CDKN1C: variants seen among roughly 807,000 people sequenced by gnomAD.
The protein encoded by CDKN1C is cyclin-dependent kinase inhibitor 1C.
CDKN1C carries 7 observed loss-of-function variants against 16.5 expected under a neutral mutation model. The ratio of observed to expected loss-of-function variants is 0.42; its 90% CI spans 0.24 to 0.80. The LOEUF (loss-of-function observed/expected upper bound fraction) is 0.80, where lower values mean the gene tolerates loss of function less well. Ranked by LOEUF, CDKN1C falls within the 30% of genes least tolerant of loss-of-function variation. The pLI is 0.26. For missense variants in CDKN1C, 429 were observed against 437.3 expected, an observed-to-expected ratio of 0.98 and a Z score of 0.17; for synonymous variants, 288 against 214.4, an observed-to-expected ratio of 1.34 and a Z score of -3.00.
At position 2,885,357 on chromosome 11, in the gene CDKN1C, C is replaced by G; in HGVS notation, c.100G>C (p.Glu34Gln). The G allele has an allele frequency of 6.3e-7, 1 of 1,589,388 alleles. No individual in the cohort carries two copies. Among genetic ancestry groups the G allele is most frequent in the Non-Finnish European group, 8.5e-7 (1 of 1,170,496 alleles). The change falls in exon 2 of 4, where the codon GAG becomes CAG. Residue 34 changes from glutamate to glutamine, a missense_variant. Physicochemically the swap from Glu to Gln is conservative, Grantham distance 29. Transcript: ENST00000440480. ...GPVDHEELSR[E>Q]LQARLAELNA... ...AGCTCGGCCAGGCGGGCCTGCAGCT[C>G]GCGGCTCAGCTCCTCGTGGTCCACC...
rs528330778 is a variant in CDKN1C, at chr11:2,885,691, A to T, written c.-68T>A. The stretch of plus-strand genomic sequence containing the variant: ...GGTTCGCCTGTCTCGTCCGGACGGC[A>T]GCCGCGCCCCCTCGATGCCTGCTGG... On this transcript the variant is annotated 5_prime_UTR_variant, in exon 1 of 4. Transcript: ENST00000440480. The T allele has an allele frequency of 6.9e-4, 445 of 641,426 alleles. 1 individual carries two copies. In the African/African-American group the frequency reaches 7.3e-3, roughly 11 times the overall value. 39.7% of individuals were successfully genotyped at this position (641,426 alleles called of 1,614,324 possible).
rs1348348225 is a variant in CDKN1C, at chr11:2,883,919, CGAG to C, written c.*6-7_*6-5del. Reference sequence around the variant, plus strand: ...TCGGGGCTCTTTGGGCTCTAAACTGCGAGGAGAGGGGCGGTCAGCAAAGCCGGC... The same window carrying C: ...TCGGGGCTCTTTGGGCTCTAAACTGCGAGAGGGGCGGTCAGCAAAGCCGGC... On this transcript the variant is annotated splice_polypyrimidine_tract_variant and splice_region_variant and intron_variant, in intron 3 of 3. Coordinates refer to ENST00000440480, the MANE Select transcript of CDKN1C (RefSeq NM_001122630.2). The C allele has an allele frequency of 4.4e-6, 7 of 1,589,636 alleles. No homozygotes were observed. The highest frequency in any genetic ancestry group is 6.0e-6 in the Non-Finnish European group (7 of 1,168,890).
intron 2 of CDKN1C, 97 bp from the exon 3 acceptor site, chr11:2,884,231 G>C (rs1286377705): frequency 1.1e-6 from 1 of 941,096 alleles, no homozygotes; most frequent in Non-Finnish European, 1.3e-6. Context: ...CGGCCGGGGT[G>C]GGGGCGCCGT....
rs1176733097 is a variant in CDKN1C, at chr11:2,883,637, T to G, written c.*284A>C. 1.6e-6 allele frequency: 1 copy of G among 641,686 alleles called. No homozygotes were observed. The highest frequency in any genetic ancestry group is 2.3e-6 in the Non-Finnish European group (1 of 441,620). The allele number at this position is 641,686 out of a possible 1,614,324, so 39.7% of individuals were successfully genotyped here. On this transcript the variant is annotated 3_prime_UTR_variant, in exon 4 of 4. Coordinates refer to ENST00000440480, the MANE Select transcript of CDKN1C (RefSeq NM_001122630.2). ...TTCCTTTTTTTTTTCTTTTTTCTTT[T>G]TTTTGCACTGAGTTTCAGCAGAGAT...
In CDKN1C at chr11:2,885,353, A is replaced by AAG. The variant is rs1848976570; in HGVS notation, c.103_104insCT (p.Leu35ProfsTer9). On this transcript the variant is annotated frameshift_variant, in exon 2 of 4. Transcript: ENST00000440480. LOFTEE classifies it high-confidence loss of function. ...GTTCAGCTCGGCCAGGCGGGCCTGC[A>AAG]GCTCGCGGCTCAGCTCCTCGTGGTC... 6.3e-7 allele frequency: 1 copy of AAG among 1,591,924 alleles called. No homozygotes were observed. The highest frequency in any genetic ancestry group is 1.3e-5 in the African/African-American group (1 of 74,480).
intron 2 of CDKN1C, 119 bp downstream of exon 2, chr11:2,884,551 G>A (rs1848907682): frequency 6.1e-6 from 3 of 491,300 alleles, no homozygotes; most frequent in Non-Finnish European, 9.4e-6. Flanking sequence ...GAGCGCTGCG[G>A]GCCCTTTAAT....
chr11:2,885,535 C>A (rs1848987371), intron 1 of CDKN1C, 69 bp from the exon 2 acceptor site: 18 of 1,535,418 alleles, frequency 1.2e-5, no homozygotes, highest in Non-Finnish European at 1.6e-5. Context: ...GAGAGGACAG[C>A]GAGAAGAAGG....
At chr11:2,883,964 G>A in intron 3 of CDKN1C, 35 bp downstream of exon 3, 2 of 1,549,334 alleles carry the variant, frequency 1.3e-6, no homozygotes, top group Non-Finnish European at 1.7e-6. Flanking sequence ...CCGGCGGGTC[G>A]GCCCTCCGCG....
Position 2,884,970 on chromosome 11 carries a change from CGACCGGAGCCGCGACCGG to C in CDKN1C, c.469_486del (p.Pro157_Val162del). The C allele has an allele frequency of 1.7e-6, 1 of 598,960 alleles. No individual in the cohort carries two copies. Among genetic ancestry groups the C allele is most frequent in the Non-Finnish European group, 2.2e-6 (1 of 449,628 alleles). 37.1% of individuals were successfully genotyped at this position (598,960 alleles called of 1,614,324 possible). On this transcript the variant is annotated inframe_deletion, in exon 2 of 4. Coordinates refer to ENST00000440480, the MANE Select transcript of CDKN1C (RefSeq NM_001122630.2). ...GGGGCCGGGGCCAGGACCGCGACCG[CGACCGGAGCCGCGACCGG>C]AGCCGCGACCGGAGCCGGAGCCGGG...
chr11:2,883,980 C>CG lies in CDKN1C; in HGVS notation c.*5+18_*5+19insC, dbSNP rs755586297. The CG allele has an allele frequency of 2.6e-5, 40 of 1,562,310 alleles. No homozygotes were observed. The Middle Eastern group carries it at 5.0e-4, about 20-fold the overall frequency. Reference sequence around the variant, plus strand: ...CGGCGGGTCGGCCCTCCGCGCCCCCCCAGGTGCGCTGTACTCACTTGGCTC... The same window carrying CG: ...CGGCGGGTCGGCCCTCCGCGCCCCCCGCAGGTGCGCTGTACTCACTTGGCTC... On this transcript the variant is annotated intron_variant, in intron 3 of 3. Transcript: ENST00000440480.
At position 2,884,126 on chromosome 11, in the gene CDKN1C, C is replaced by T. The variant is rs759474789; in HGVS notation, c.796G>A (p.Ala266Thr). The change falls in exon 3 of 4, where the codon GCC becomes ACC. Residue 266 changes from alanine to threonine, a missense_variant. Transcript: ENST00000440480. The stretch of plus-strand genomic sequence containing the variant: ...TCAGGCGCTGATCTCTTGCGCTTGG[C>T]GAAGAAATCTGCGGGCGACAGCGCG... ...LSGPLISDFF[A>T]KRKRSAPEKS... The T allele has an allele frequency of 4.7e-6, 7 of 1,491,544 alleles. No individual in the cohort carries two copies. In the South Asian group the frequency reaches 5.0e-5, roughly 11 times the overall value. 92.4% of individuals were successfully genotyped at this position (1,491,544 alleles called of 1,614,324 possible).
rs1309218520 is a variant in CDKN1C at position 2,884,966 on chromosome 11, A to G, written c.491T>C (p.Val164Ala). 1.0e-6 allele frequency: 1 copy of G among 981,924 alleles called. No homozygotes were observed. 60.8% of individuals were successfully genotyped at this position (981,924 alleles called of 1,614,324 possible). A position where few individuals can be genotyped will look rare whatever the true frequency, so the allele number is the denominator to read the frequency against. ...VAAPVAAPVA[V>A]AVLAPAPAPA... Reference sequence around the variant, plus strand: ...GGCCGGGGCCGGGGCCAGGACCGCGACCGCGACCGGAGCCGCGACCGGAGC... The same window carrying G: ...GGCCGGGGCCGGGGCCAGGACCGCGGCCGCGACCGGAGCCGCGACCGGAGC... Residue 164 changes from valine to alanine, a missense_variant, in exon 2 of 4, where the codon GTC becomes GCC. By Grantham distance (64) the Val-to-Ala change is moderately conservative. Transcript: ENST00000440480.
At position 2,883,770 on chromosome 11, in the gene CDKN1C, GT is replaced by G; in HGVS notation, c.*150del. On this transcript the variant is annotated 3_prime_UTR_variant, in exon 4 of 4. Transcript: ENST00000440480. Reference sequence around the variant, plus strand: ...AAAGACGTTATTAATACATTGCACAGTTTTCAAAATTTAAAAACAAAACCGA... The same window carrying G: ...AAAGACGTTATTAATACATTGCACAGTTTCAAAATTTAAAAACAAAACCGA... 1 of 1,476,208 alleles carries G rather than the reference GT, an allele frequency of 6.8e-7. No individual in the cohort carries two copies. Among genetic ancestry groups the G allele is most frequent in the Non-Finnish European group, 8.9e-7 (1 of 1,122,742 alleles). The allele number at this position is 1,476,208 out of a possible 1,614,324, so 91.4% of individuals were successfully genotyped here.
In CDKN1C at chr11:2,885,355, C is replaced by T; in HGVS notation, c.102G>A (p.Glu34=). Residue 34 remains glutamate (E), a synonymous_variant, in exon 2 of 4, where the codon GAG becomes GAA. Transcript: ENST00000440480. ...TCAGCTCGGCCAGGCGGGCCTGCAG[C>T]TCGCGGCTCAGCTCCTCGTGGTCCA... ...GPVDHEELSR[E]LQARLAELNA... The T allele has an allele frequency of 6.3e-7, 1 of 1,591,108 alleles. No homozygotes were observed. The highest frequency in any genetic ancestry group is 1.1e-5 in the South Asian group (1 of 88,086).
chr11:2,884,367 C>A, intron 2 of CDKN1C: 1 of 218,318 alleles, frequency 4.6e-6, no homozygotes, highest in Non-Finnish European at 8.6e-6. Context: ...TAACCCCCTC[C>A]ACGCCGTGCT....
chr11:2,883,900 C>A lies in CDKN1C; in HGVS notation c.*21G>T. On this transcript the variant is annotated 3_prime_UTR_variant, in exon 4 of 4. Transcript: ENST00000440480. ...GCTGCCCCGGCAGGTTCCCTCGGGGCTCTTTGGGCTCTAAACTGCGAGGAG... is the reference window on the plus strand; with the variant it reads ...GCTGCCCCGGCAGGTTCCCTCGGGGATCTTTGGGCTCTAAACTGCGAGGAG... 6.3e-7 allele frequency: 1 copy of A among 1,582,912 alleles called. No homozygotes were observed. Among genetic ancestry groups the A allele is most frequent in the Non-Finnish European group, 8.6e-7 (1 of 1,164,390 alleles).
At chr11:2,884,436 C>T in intron 2 of CDKN1C, 1 of 279,228 alleles carries the variant, frequency 3.6e-6, no homozygotes, top group Non-Finnish European at 6.6e-6. Context: ...AAACTGCGCT[C>T]CCGGGGGGTC....
In CDKN1C at chr11:2,883,947, CG is replaced by C. The variant is rs766680588; in HGVS notation, c.*6-33del. 3.2e-6 allele frequency: 5 copies of C among 1,581,638 alleles called. No homozygotes were observed. In the Admixed American group the frequency reaches 8.9e-5, roughly 28 times the overall value. ...GGAGAGGGGCGGTCAGCAAAGCCGG[CG>C]GGGACCCGGCGGGTCGGCCCTCCGC... On this transcript the variant is annotated intron_variant, in intron 3 of 3. Coordinates refer to ENST00000440480, the MANE Select transcript of CDKN1C (RefSeq NM_001122630.2).
rs565544512 is a variant in CDKN1C, at chr11:2,884,966, ACCGCGACCGGAGCCGCGACCGGAG to A, written c.467_490del (p.Ala156_Ala163del). 22 of 981,980 alleles carry A rather than the reference ACCGCGACCGGAGCCGCGACCGGAG, an allele frequency of 2.2e-5. No individual in the cohort carries two copies. The highest frequency in any genetic ancestry group is 1.4e-4 in the South Asian group (3 of 20,720). 60.8% of individuals were successfully genotyped at this position (981,980 alleles called of 1,614,324 possible). ...GGCCGGGGCCGGGGCCAGGACCGCG[ACCGCGACCGGAGCCGCGACCGGAG>A]CCGCGACCGGAGCCGGAGCCGGGGC... On this transcript the variant is annotated inframe_deletion, in exon 2 of 4. Coordinates refer to ENST00000440480, the MANE Select transcript of CDKN1C (RefSeq NM_001122630.2).
Sources: gnomAD v4.1 joint callset for allele counts on GRCh38, gnomAD v4.1.1 for gene constraint, MANE v1.5 for transcripts, NCBI Gene and HGNC (gene_info 2026-07-23, HGNC 2026-07-21) for gene names.